The following SLC8A1 variants were observed in gnomAD, a reference collection of about 807,000 sequenced individuals.
SLC8A1 encodes the protein solute carrier family 8 member A1, also known as sodium/calcium exchanger 1.
A neutral mutation model predicts 68.3 loss-of-function variants in SLC8A1; 18 were observed. That is an observed-to-expected ratio of 0.26 (90% CI 0.18 to 0.39). The LOEUF is 0.39. SLC8A1 is among the 10% of genes least tolerant of loss of function. The pLI, the probability that SLC8A1 is intolerant of heterozygous loss-of-function variation, is 1.00. For missense variants in SLC8A1, 985 were observed against 1,156.7 expected (o/e 0.85, Z 2.15); for synonymous variants, 475 against 415.5 (o/e 1.14, Z -1.74).
At position 40,178,386 on chromosome 2, in the gene SLC8A1, C is replaced by T; in HGVS notation, c.1809-531G>A. The T allele has an allele frequency of 6.2e-7, 1 of 1,613,376 alleles. No homozygotes were observed. The highest frequency in any genetic ancestry group is 8.5e-7 in the Non-Finnish European group (1 of 1,179,486). ...GCTCAGCCCTGGAGCAGCTCCCCCACCTTTCTTCTCACTCATCTCCACCAG... is the reference window on the plus strand; with the variant it reads ...GCTCAGCCCTGGAGCAGCTCCCCCATCTTTCTTCTCACTCATCTCCACCAG... On this transcript the variant is annotated intron_variant, in intron 2 of 7. Coordinates refer to ENST00000406785, the Ensembl canonical transcript of SLC8A1.
chr2:40,214,950 A>G (rs751346504), intron 2 of SLC8A1, among the ~76,000 whole-genome samples: 28 of 152,310 alleles, frequency 1.8e-4, no homozygotes, highest in Middle Eastern at 3.4e-3. Context: ...TACCGGATCA[A>G]TTCTCATGGA....
chr2:40,391,088 C>G (rs933017941), intron 2 of SLC8A1, among the ~76,000 whole-genome samples: 7 of 151,442 alleles, frequency 4.6e-5, no homozygotes, highest in Non-Finnish European at 8.8e-5. Context: ...AAATATTGCT[C>G]TTAAAGTATG....
intron 2 of SLC8A1, among the ~76,000 whole-genome samples, chr2:40,333,856 C>T (rs528404873): frequency 3.5e-4 from 53 of 152,076 alleles, no homozygotes; most frequent in Middle Eastern, 3.4e-3. Flanking sequence ...TGAGACCAGC[C>T]GGACCAACAT....
At chr2:40,136,131 G>C (rs1326137391) in intron 7 of SLC8A1, among the ~76,000 whole-genome samples, 1 of 152,174 alleles carries the variant, frequency 6.6e-6, no homozygotes, top group African/African-American at 2.4e-5. Context: ...AACATTTAAA[G>C]GTGGGAAGAG....
chr2:40,482,757 C>G (rs1255120277), intron 1 of SLC8A1, among the ~76,000 whole-genome samples: 2 of 150,680 alleles, frequency 1.3e-5, no homozygotes, highest in African/African-American at 4.9e-5. Context: ...CAATGTTTTT[C>G]CTTATTTCTA....
intron 2 of SLC8A1, among the ~76,000 whole-genome samples, chr2:40,395,473 C>A (rs1339121552): frequency 6.6e-6 from 1 of 152,092 alleles, no homozygotes; most frequent in Non-Finnish European, 1.5e-5. Flanking sequence ...TTCCTAATTT[C>A]TCAAGTCAAA....
chr2:40,132,316 A>G (rs2148216025), intron 7 of SLC8A1, among the ~76,000 whole-genome samples: 1 of 152,260 alleles, frequency 6.6e-6, no homozygotes, highest in Admixed American at 6.5e-5. Context: ...CAAGTCATTT[A>G]TTCTCTATGA....
chr2:40,420,517 A>C lies in SLC8A1; in HGVS notation c.1808+7956T>G, dbSNP rs565581035. ...GTTTCTTTTTAAAAACTAGGAACAT[A>C]GGGAAATAAATATTGTGTGAGAGAA... is the stretch of plus-strand genomic sequence containing the variant. On this transcript the variant is annotated intron_variant, in intron 2 of 7. Coordinates refer to ENST00000406785, the Ensembl canonical transcript of SLC8A1. 5.9e-5 allele frequency among the ~76,000 whole-genome samples: 9 copies of C among 152,322 alleles called. No individual in the cohort carries two copies. In the South Asian group the frequency reaches 1.9e-3, roughly 32 times the overall value.
intron 1 of SLC8A1, among the ~76,000 whole-genome samples, chr2:40,497,416 G>C (rs1001283588): frequency 1.3e-5 from 2 of 151,970 alleles, no homozygotes; most frequent in African/African-American, 4.8e-5. Flanking sequence ...TGAGGAGATA[G>C]AAAAATACAT....
intron 2 of SLC8A1, among the ~76,000 whole-genome samples, chr2:40,369,022 T>C (rs1172416346): frequency 2.0e-5 from 3 of 151,804 alleles, no homozygotes; most frequent in Non-Finnish European, 4.4e-5. Flanking sequence ...TCTTTCACCA[T>C]ACAAAGAAAC....
In SLC8A1 at chr2:40,140,594, C is replaced by T. The variant is rs74322575; in HGVS notation, c.2162-918G>A. ...GGGTGGACAGCAAGCTGGGCTTGAACAAGCCCTCCATGTAATACTGATGCA... is the reference window on the plus strand; with the variant it reads ...GGGTGGACAGCAAGCTGGGCTTGAATAAGCCCTCCATGTAATACTGATGCA... On this transcript the variant is annotated intron_variant, in intron 6 of 7. Coordinates refer to ENST00000406785, the Ensembl canonical transcript of SLC8A1. Among the ~76,000 whole-genome samples, 944 of 152,360 alleles carry T rather than the reference C, an allele frequency of 6.2e-3. 28 individuals are homozygous for T. In the East Asian group the frequency reaches 0.072, roughly 12 times the overall value.
intron 2 of SLC8A1, chr2:40,250,289 T>A (rs543446607): frequency 1.3e-5 from 2 of 152,318 alleles, no homozygotes; most frequent in East Asian, 3.9e-4. Context: ...TTAACATGTT[T>A]GAATTTCAGT....
intron 2 of SLC8A1, among the ~76,000 whole-genome samples, chr2:40,346,922 C>G (rs1254995854): frequency 6.6e-6 from 1 of 152,144 alleles, no homozygotes; most frequent in East Asian, 1.9e-4. Context: ...GGGTAATCAG[C>G]CCACACACAA....
intron 1 of SLC8A1, among the ~76,000 whole-genome samples, chr2:40,468,597 A>G (rs1202037288): frequency 2.0e-5 from 3 of 152,170 alleles, no homozygotes; most frequent in Non-Finnish European, 2.9e-5. Context: ...TCTTAATTAT[A>G]TAGTAATCTA....
chr2:40,481,782 A>G lies in SLC8A1; in HGVS notation c.-25+30567T>C, dbSNP rs1022796624. 2.6e-5 allele frequency among the ~76,000 whole-genome samples: 4 copies of G among 152,170 alleles called. No homozygotes were observed. In the East Asian group the frequency reaches 5.8e-4, roughly 22 times the overall value. On this transcript the variant is annotated intron_variant, in intron 1 of 7. Coordinates refer to the SLC8A1 transcript ENST00000402441. ...TGAGATGCCAGTTCTTCATGTCTCC[A>G]TCGTTTCTGTCTCTTTAACAGTTCA...
At chr2:40,166,014 C>G (rs2046488028) in intron 4 of SLC8A1, among the ~76,000 whole-genome samples, 1 of 152,204 alleles carries the variant, frequency 6.6e-6, no homozygotes, top group Non-Finnish European at 1.5e-5. Context: ...GACCTCAGCC[C>G]TGATGGCCTC....
intron 7 of SLC8A1, among the ~76,000 whole-genome samples, chr2:40,129,713 C>T (rs2038932357): frequency 6.6e-6 from 1 of 152,222 alleles, no homozygotes; most frequent in Non-Finnish European, 1.5e-5. Context: ...TCACATAACA[C>T]ATGCATAACA....
chr2:40,359,823 A>G (rs1195389961), intron 2 of SLC8A1, among the ~76,000 whole-genome samples: 1 of 152,078 alleles, frequency 6.6e-6, no homozygotes, highest in Non-Finnish European at 1.5e-5. Context: ...TGCTTTACAT[A>G]GGATAAAATA....
At chr2:40,357,076 A>G (rs1672896391) in intron 2 of SLC8A1, among the ~76,000 whole-genome samples, 2 of 152,240 alleles carry the variant, frequency 1.3e-5, no homozygotes, top group Admixed American at 6.5e-5. Flanking sequence ...GAATGTAGAT[A>G]TAGTAGGGTA....
Sources: gnomAD v4.1 joint callset for allele counts (sites outside exome capture counted in the v4.1 genomes callset) on GRCh38, gnomAD v4.1.1 for gene constraint, MANE v1.5 for transcripts, NCBI Gene and HGNC (gene_info 2026-07-23, HGNC 2026-07-21) for gene names.